Variants in GANC observed in about 807,000 individuals in gnomAD.
The protein encoded by GANC is glucosidase alpha, neutral C, also known as neutral alpha-glucosidase C.
In GANC, 117 loss-of-function variants were observed where a neutral mutation model predicts 124.2. That is an observed-to-expected ratio of 0.94 (90% CI 0.81 to 1.10). The LOEUF (loss-of-function observed/expected upper bound fraction) is 1.10. Among genes scored for constraint, GANC ranks in the 50% least tolerant of loss-of-function variants. The probability of loss-of-function intolerance (pLI) is 0.00; values close to 1 mark genes in which losing one functional copy is unlikely to be tolerated. For missense variants in GANC, 1,140 were observed against 1,095.0 expected (o/e 1.04, Z -0.58); for synonymous variants, 377 against 376.8 (o/e 1.00, Z -0.01).
At chr15:42,335,239 C>G (rs1381298709) in intron 15 of GANC, among the ~76,000 whole-genome samples, 1 of 152,120 alleles carries the variant, frequency 6.6e-6, no homozygotes, top group South Asian at 2.1e-4. Context: ...AGACTGAATT[C>G]AGCAGCACAT....
chr15:42,306,691 C>T (rs1369440825), intron 7 of GANC, 79 bp downstream of exon 7: 15 of 946,328 alleles, frequency 1.6e-5, no homozygotes, highest in Non-Finnish European at 2.4e-5. Flanking sequence ...GCCCCTTGAT[C>T]TCTGGCACCT....
At chr15:42,326,457 A>C (rs1190503304) in intron 12 of GANC, 33 bp downstream of exon 12, 1 of 1,613,172 alleles carries the variant, frequency 6.2e-7, no homozygotes, top group East Asian at 2.2e-5. Context: ...TATTATTTCC[A>C]CATGTTCTGT....
intron 3 of GANC, chr15:42,280,858 T>G: frequency 1.5e-6 from 1 of 683,246 alleles, no homozygotes; most frequent in African/African-American, 1.8e-5. Context: ...CCATTTCACG[T>G]TACTGTAGAT....
intron 6 of GANC, among the ~76,000 whole-genome samples, chr15:42,301,004 G>A (rs1300959034): frequency 7.2e-6 from 1 of 139,134 alleles, no homozygotes; most frequent in Non-Finnish European, 1.5e-5. Context: ...GGCAACAAGA[G>A]TGAAACTCCA....
At chr15:42,306,889 A>G (rs2052002111) in intron 7 of GANC, among the ~76,000 whole-genome samples, 1 of 152,214 alleles carries the variant, frequency 6.6e-6, no homozygotes, top group Admixed American at 6.5e-5. Flanking sequence ...TGTTCATCAG[A>G]TAAGACAGCT....
intron 15 of GANC, among the ~76,000 whole-genome samples, chr15:42,332,652 T>C (rs1293382430): frequency 6.6e-6 from 1 of 152,150 alleles, no homozygotes; most frequent in Non-Finnish European, 1.5e-5. Flanking sequence ...ATTATGTAAA[T>C]ACGTACATAT....
chr15:42,339,863 T>C lies in GANC; in HGVS notation c.2038T>C (p.Trp680Arg). The change falls in exon 17 of 24, where the codon TGG becomes CGG. Residue 680 changes from tryptophan (W) to arginine (R), a missense_variant. Physicochemically the swap from Trp to Arg is moderately radical, Grantham distance 101. Transcript: ENST00000318010. ...AGAGCGCTATGGCCTCCTGCCATAT[T>C]GGTATTCTCTGTTCTACCATGCACA... Reference protein sequence around the residue: ...IRERYGLLPYWYSLFYHAHVA... With the variant: ...IRERYGLLPYRYSLFYHAHVA... 6.2e-7 allele frequency: 1 copy of C among 1,614,140 alleles called. No homozygotes were observed. The highest frequency in any genetic ancestry group is 8.5e-7 in the Non-Finnish European group (1 of 1,179,990).
chr15:42,273,583 C>T lies in GANC; in HGVS notation c.-899C>T, dbSNP rs967690141. On this transcript the variant is annotated 5_prime_UTR_variant, in exon 1 of 24. Coordinates refer to ENST00000318010, the MANE Select transcript of GANC (RefSeq NM_198141.3). ...TGTGCGCCGTGAGACTTTGGACCTA[C>T]TGCGCAGGCGTCATCCTGTTGGAAC... 3 of 1,035,506 alleles carry T rather than the reference C, an allele frequency of 2.9e-6. No individual in the cohort carries two copies. Among genetic ancestry groups the T allele is most frequent in the African/African-American group, 1.6e-5 (1 of 62,178 alleles). 64.1% of individuals were successfully genotyped at this position (1,035,506 alleles called of 1,614,324 possible).
At position 42,339,701 on chromosome 15, in the gene GANC, A is replaced by T. The variant is rs753293026; in HGVS notation, c.1876A>T (p.Thr626Ser). The part of the protein sequence containing the change: ...DIGGFIGNPE[T>S]ELLVRWYQAG... ...AGGCGGGTTCATTGGGAATCCAGAG[A>T]CAGAGCTGCTAGTGCGTTGGTACCA... Residue 626 changes from threonine (T) to serine (S), a missense_variant, in exon 17 of 24, where the codon ACA becomes TCA. Transcript: ENST00000318010. The T allele has an allele frequency of 6.2e-7, 1 of 1,613,998 alleles. No individual in the cohort carries two copies. Among genetic ancestry groups the T allele is most frequent in the Non-Finnish European group, 8.5e-7 (1 of 1,179,920 alleles).
At chr15:42,283,167 T>C (rs367933020) in intron 3 of GANC, among the ~76,000 whole-genome samples, 9 of 152,230 alleles carry the variant, frequency 5.9e-5, no homozygotes, top group African/African-American at 1.9e-4. Flanking sequence ...AATGTTGACC[T>C]GTGTGTTGTT....
At chr15:42,308,419 G>T in intron 8 of GANC, 101 bp downstream of exon 8, 1 of 708,680 alleles carries the variant, frequency 1.4e-6, no homozygotes. Context: ...TATGTGCCAG[G>T]CCTTTTCCTC....
intron 17 of GANC, 47 bp downstream of exon 17, chr15:42,339,959 T>C: frequency 6.4e-7 from 1 of 1,573,396 alleles, no homozygotes; most frequent in Non-Finnish European, 8.6e-7. Context: ...CAATCTGTAA[T>C]AGAAGATCTC....
At chr15:42,330,335 G>T (rs1348552914) in intron 14 of GANC, among the ~76,000 whole-genome samples, 2 of 152,134 alleles carry the variant, frequency 1.3e-5, no homozygotes, top group Non-Finnish European at 2.9e-5. Flanking sequence ...CCAAAGAAAT[G>T]CTAGATGATT....
intron 3 of GANC, chr15:42,280,783 T>C (rs1396426428): frequency 1.6e-5 from 10 of 607,098 alleles, no homozygotes; most frequent in Non-Finnish European, 2.9e-5. Flanking sequence ...GGAATATCAG[T>C]GGTGAGCCGA....
intron 4 of GANC, among the ~76,000 whole-genome samples, chr15:42,290,397 T>A (rs1291445375): frequency 6.6e-6 from 1 of 152,230 alleles, no homozygotes; most frequent in Non-Finnish European, 1.5e-5. Context: ...CCTCATATCT[T>A]CTGTAGCTGC....
intron 10 of GANC, among the ~76,000 whole-genome samples, chr15:42,316,868 CT>C (rs2141052204): frequency 6.6e-6 from 1 of 152,358 alleles, no homozygotes; most frequent in Non-Finnish European, 1.5e-5. Flanking sequence ...GGGCTCACCT[CT>C]TGCCTTCTAG....
intron 10 of GANC, chr15:42,313,716 A>T (rs2052076825): frequency 4.0e-6 from 1 of 250,862 alleles, no homozygotes; most frequent in Admixed American, 5.2e-5. Context: ...CCTGGATAGA[A>T]CTGTACTTTA....
rs773445285 is a variant in GANC at position 42,339,908 on chromosome 15, A to C, written c.2083A>C (p.Met695Leu). ...TGCACACGTGGCTTCCCAACCTGTC[A>C]TGAGGTAAAAAAGCTTCATCCATTC... ...YHAHVASQPVMRPLWVEFPDE... is the reference protein window; with the variant it reads ...YHAHVASQPVLRPLWVEFPDE... The change falls in exon 17 of 24, where the codon ATG becomes CTG. Residue 695 changes from methionine to leucine, a missense_variant. By Grantham distance (15) the Met-to-Leu change is conservative. Coordinates refer to ENST00000318010, the MANE Select transcript of GANC (RefSeq NM_198141.3). The C allele has an allele frequency of 1.2e-6, 2 of 1,612,386 alleles. No homozygotes were observed. The highest frequency in any genetic ancestry group is 3.3e-5 in the Admixed American group (2 of 59,854).
chr15:42,306,497 A>G (rs1028228255), intron 6 of GANC, 49 bp from the exon 7 acceptor site: 11 of 1,423,062 alleles, frequency 7.7e-6, no homozygotes, highest in Non-Finnish European at 1.1e-5. Flanking sequence ...TGGTAAACAC[A>G]TTTGTTGCAA....
Sources: gnomAD v4.1 joint callset for allele counts (sites outside exome capture counted in the v4.1 genomes callset) on GRCh38, gnomAD v4.1.1 for gene constraint, MANE v1.5 for transcripts, NCBI Gene and HGNC (gene_info 2026-07-23, HGNC 2026-07-21) for gene names.